Variants in GTF2H1 observed in about 807,000 individuals in gnomAD.
GTF2H1 encodes general transcription factor IIH subunit 1.
In GTF2H1, 16 loss-of-function variants were observed where a neutral mutation model predicts 71.2. The observed-to-expected ratio is 0.22, with a 90% confidence interval of 0.15 to 0.34. GTF2H1 has a LOEUF of 0.34. Among genes scored for constraint, GTF2H1 ranks in the 10% least tolerant of loss-of-function variants. The pLI is 1.00. For missense variants in GTF2H1, 498 were observed against 648.2 expected, an observed-to-expected ratio of 0.77 and a Z score of 2.52; for synonymous variants, 215 against 219.0, an observed-to-expected ratio of 0.98 and a Z score of 0.16.
chr11:18,365,892 T>A lies in GTF2H1; in HGVS notation c.*23T>A, dbSNP rs767455813. ...TGAGGTGGCCATGATGCTTACAGGT[T>A]TTGTGAGATTGAGAGAACTATGACC... On this transcript the variant is annotated 3_prime_UTR_variant, in exon 15 of 15. Coordinates refer to ENST00000265963, the MANE Select transcript of GTF2H1 (RefSeq NM_005316.4). 50 of 1,553,968 alleles carry A rather than the reference T, an allele frequency of 3.2e-5. No individual in the cohort carries two copies. The Admixed American group carries it at 5.2e-4, about 16-fold the overall frequency.
Position 18,365,901 on chromosome 11 carries a change from T to A in GTF2H1, c.*32T>A. The A allele has an allele frequency of 6.8e-7, 1 of 1,475,628 alleles. No individual in the cohort carries two copies. Among genetic ancestry groups the A allele is most frequent in the Non-Finnish European group, 9.5e-7 (1 of 1,055,558 alleles). 91.4% of individuals were successfully genotyped at this position (1,475,628 alleles called of 1,614,324 possible). A position where few individuals can be genotyped will look rare whatever the true frequency, so the allele number is the denominator to read the frequency against. Reference sequence around the variant, plus strand: ...CATGATGCTTACAGGTTTTGTGAGATTGAGAGAACTATGACCTGCAGCAAC... The same window carrying A: ...CATGATGCTTACAGGTTTTGTGAGAATGAGAGAACTATGACCTGCAGCAAC... On this transcript the variant is annotated 3_prime_UTR_variant, in exon 15 of 15. Transcript: ENST00000265963.
intron 3 of GTF2H1, among the ~76,000 whole-genome samples, chr11:18,337,160 G>A (rs1211093771): frequency 6.6e-6 from 1 of 152,146 alleles, no homozygotes; most frequent in Non-Finnish European, 1.5e-5. Flanking sequence ...GGGGCATAAT[G>A]GCTCATGCCT....
chr11:18,343,703 CT>C (rs1374968477), intron 7 of GTF2H1, among the ~76,000 whole-genome samples: 2 of 152,206 alleles, frequency 1.3e-5, no homozygotes, highest in African/African-American at 4.8e-5. Flanking sequence ...TCAAAGACAT[CT>C]CAACTTCACA....
chr11:18,360,724 AT>A lies in GTF2H1; in HGVS notation c.1560+22del, dbSNP rs759422351. 2 of 1,322,440 alleles carry A rather than the reference AT, an allele frequency of 1.5e-6. No homozygotes were observed. Among genetic ancestry groups the A allele is most frequent in the Non-Finnish European group, 2.1e-6 (2 of 944,766 alleles). The allele number at this position is 1,322,440 out of a possible 1,614,324, so 81.9% of individuals were successfully genotyped here. ...AGCACAAATGTAAGGCAGCAATCTG[AT>A]TTTTGCCTGATCTTCTTTCTCTTTG... On this transcript the variant is annotated intron_variant, in intron 14 of 14. Transcript: ENST00000265963.
chr11:18,344,155 G>GTGT (rs1865228714), intron 7 of GTF2H1, among the ~76,000 whole-genome samples: 1 of 152,080 alleles, frequency 6.6e-6, no homozygotes, highest in Non-Finnish European at 1.5e-5. Flanking sequence ...CCAGCATTCA[G>GTGT]TGTATCAACA....
intron 7 of GTF2H1, among the ~76,000 whole-genome samples, chr11:18,344,534 G>T (rs540389700): frequency 6.7e-6 from 1 of 149,934 alleles, no homozygotes; most frequent in Non-Finnish European, 1.5e-5. Flanking sequence ...CAGGAGAGTC[G>T]CTGGAACCGG....
At position 18,326,656 on chromosome 11, in the gene GTF2H1, A is replaced by G. The variant is rs1326319568; in HGVS notation, c.-16+3916A>G. ...ATAAAGGTCTTTGTATTATTTTCCA[A>G]TACTAACACTTTATTTGTGCCTGTA... On this transcript the variant is annotated intron_variant, in intron 1 of 14. Coordinates refer to ENST00000265963, the MANE Select transcript of GTF2H1 (RefSeq NM_005316.4). Among the ~76,000 whole-genome samples, 5 of 152,176 alleles carry G rather than the reference A, an allele frequency of 3.3e-5. No individual in the cohort carries two copies. The East Asian group carries it at 9.6e-4, about 29-fold the overall frequency.
chr11:18,340,087 C>T (rs543553278), intron 5 of GTF2H1, among the ~76,000 whole-genome samples: 1 of 152,254 alleles, frequency 6.6e-6, no homozygotes, highest in Non-Finnish European at 1.5e-5. Flanking sequence ...TTCCCTCTTC[C>T]CCACTCTTAC....
chr11:18,336,881 A>G (rs1413105727), intron 3 of GTF2H1, among the ~76,000 whole-genome samples: 2 of 151,842 alleles, frequency 1.3e-5, no homozygotes, highest in Non-Finnish European at 2.9e-5. Context: ...CAGCCTCCCA[A>G]GTATCTGGTA....
chr11:18,361,451 G>C (rs947096998), intron 14 of GTF2H1, among the ~76,000 whole-genome samples: 1 of 152,130 alleles, frequency 6.6e-6, no homozygotes, highest in Admixed American at 6.5e-5. Context: ...CTGATCACTT[G>C]AGGTCAGGAG....
At chr11:18,324,571 C>T (rs2133947988) in intron 1 of GTF2H1, among the ~76,000 whole-genome samples, 1 of 152,314 alleles carries the variant, frequency 6.6e-6, no homozygotes, top group Admixed American at 6.5e-5. Flanking sequence ...CTATTTTATT[C>T]CCTACCATCA....
intron 13 of GTF2H1, 129 bp downstream of exon 13, chr11:18,358,769 C>G: frequency 1.6e-6 from 1 of 617,448 alleles, no homozygotes; most frequent in East Asian, 2.7e-5. Flanking sequence ...TACATCGTTT[C>G]ATGTAAACCT....
At chr11:18,347,803 G>C (rs192802957) in intron 8 of GTF2H1, 29 bp from the exon 9 acceptor site, 1 of 1,594,574 alleles carries the variant, frequency 6.3e-7, no homozygotes, top group Non-Finnish European at 8.6e-7. Flanking sequence ...GGTTTTTAAC[G>C]TTAACTTTTT....
intron 1 of GTF2H1, among the ~76,000 whole-genome samples, 197 bp downstream of exon 1, chr11:18,322,937 A>T (rs1195709452): frequency 6.6e-6 from 1 of 152,158 alleles, no homozygotes; most frequent in East Asian, 1.9e-4. Flanking sequence ...CTACTTGTCT[A>T]AAGGAAACCT....
chr11:18,354,376 G>A (rs1357052915), intron 11 of GTF2H1, among the ~76,000 whole-genome samples: 2 of 152,098 alleles, frequency 1.3e-5, no homozygotes, highest in Non-Finnish European at 2.9e-5. Context: ...TTGTGGAGCT[G>A]TACTTTGAGA....
chr11:18,323,209 A>G (rs998245491), intron 1 of GTF2H1, among the ~76,000 whole-genome samples: 3 of 152,192 alleles, frequency 2.0e-5, no homozygotes, highest in South Asian at 2.1e-4. Flanking sequence ...TGTAATGATG[A>G]AAAATAGACC....
In GTF2H1 at chr11:18,360,163, G is replaced by A. The variant is rs186879749; in HGVS notation, c.1468-452G>A. Among the ~76,000 whole-genome samples the A allele has an allele frequency of 3.3e-5, 5 of 150,740 alleles. No individual in the cohort carries two copies. In the East Asian group the frequency reaches 8.0e-4, roughly 24 times the overall value. ...TTTTGAGATGGAGTCTCACTCTGTC[G>A]GCAGGCTGGAGTGCAGTGGTGTGAT... On this transcript the variant is annotated intron_variant, in intron 13 of 14. Transcript: ENST00000265963.
chr11:18,345,934 G>C (rs917592219), intron 7 of GTF2H1, among the ~76,000 whole-genome samples: 1 of 151,994 alleles, frequency 6.6e-6, no homozygotes, highest in Non-Finnish European at 1.5e-5. Context: ...GGGACTACAG[G>C]CGTCCGCCAC....
At chr11:18,344,071 C>T (rs1865226836) in intron 7 of GTF2H1, among the ~76,000 whole-genome samples, 1 of 152,090 alleles carries the variant, frequency 6.6e-6, no homozygotes, top group Non-Finnish European at 1.5e-5. Context: ...GCTATTTTTC[C>T]ACCTCGGCCT....
Sources: gnomAD v4.1 joint callset for allele counts (sites outside exome capture counted in the v4.1 genomes callset) on GRCh38, gnomAD v4.1.1 for gene constraint, MANE v1.5 for transcripts, NCBI Gene and HGNC (gene_info 2026-07-23, HGNC 2026-07-21) for gene names.